Variants in NOTCH3 observed in about 807,000 individuals in gnomAD.
NOTCH3 encodes neurogenic locus notch homolog protein 3.
In NOTCH3, 86 loss-of-function variants were observed where a neutral mutation model predicts 213.3. That is an observed-to-expected ratio of 0.40 (90% CI 0.34 to 0.48). NOTCH3 has a LOEUF of 0.48. Ranked by LOEUF, NOTCH3 falls within the 20% of genes least tolerant of loss-of-function variation. The probability of loss-of-function intolerance (pLI) is 0.57; values close to 1 mark genes in which losing one functional copy is unlikely to be tolerated. For missense variants in NOTCH3, 2,783 were observed against 3,272.6 expected (o/e 0.85, Z 3.65); for synonymous variants, 1,354 against 1,355.9 (o/e 1.00, Z 0.03).
Position 15,180,673 on chromosome 19 carries a change from C to T in NOTCH3, c.3142+8G>A, listed in dbSNP as rs2145421391. The T allele has an allele frequency of 6.5e-7, 1 of 1,549,858 alleles. No homozygotes were observed. The highest frequency in any genetic ancestry group is 2.4e-5 in the East Asian group (1 of 41,262). ...GCCCCACACGCCCGCCCACATGCTC[C>T]CACTCACCGATCTGGGCTGCGGCCT... On this transcript the variant is annotated splice_region_variant and intron_variant, in intron 19 of 32. Transcript: ENST00000263388.
Position 15,181,798 on chromosome 19 carries a change from GGGTCTGCGGACAGGAGGAAGGC to G in NOTCH3, c.2567-19_2569del, listed in dbSNP as rs1195657362. The G allele has an allele frequency of 6.4e-7, 1 of 1,555,206 alleles. No homozygotes were observed. The highest frequency in any genetic ancestry group is 1.2e-5 in the South Asian group (1 of 84,374). On this transcript the variant is annotated splice_acceptor_variant and splice_polypyrimidine_tract_variant and coding_sequence_variant and intron_variant, in exon 17 of 33. Transcript: ENST00000263388. LOFTEE classifies it high-confidence loss of function. ...TTGGCACGAGCCACCGTTCAGGCAT[GGGTCTGCGGACAGGAGGAAGGC>G]GGTCTGGTCACCTACCTTGCCCCCA...
chr19:15,175,260 C>T lies in NOTCH3; in HGVS notation c.4404-860G>A, dbSNP rs1033412040. 5.3e-5 allele frequency among the ~76,000 whole-genome samples: 8 copies of T among 151,162 alleles called. No homozygotes were observed. The East Asian group carries it at 5.8e-4, about 11-fold the overall frequency. The stretch of plus-strand genomic sequence containing the variant: ...ATAAAATAAAAATACAGGCTGGGTG[C>T]GGTGGCTCATGCCTCTAATTCCAGC... On this transcript the variant is annotated intron_variant, in intron 24 of 32. Coordinates refer to ENST00000263388, the MANE Select transcript of NOTCH3 (RefSeq NM_000435.3).
rs577303432 is a variant in NOTCH3 at position 15,161,361 on chromosome 19, C to G, written c.6267G>C (p.Pro2089=). The G allele has an allele frequency of 6.6e-6, 10 of 1,525,436 alleles. No individual in the cohort carries two copies. Among genetic ancestry groups the G allele is most frequent in the East Asian group, 2.4e-5 (1 of 41,204 alleles). 94.5% of individuals were successfully genotyped at this position (1,525,436 alleles called of 1,614,324 possible). Residue 2089 remains proline (P), a synonymous_variant, in exon 33 of 33, where the codon CCG becomes CCC. Coordinates refer to ENST00000263388, the MANE Select transcript of NOTCH3 (RefSeq NM_000435.3). ...TGACCGAGCTGTCAGCCAGGGGGCCCGGGCAGGCCAGCGTCAGCTTCTTGC... is the reference window on the plus strand; with the variant it reads ...TGACCGAGCTGTCAGCCAGGGGGCCGGGGCAGGCCAGCGTCAGCTTCTTGC... ...GRGKKLTLAC[P]GPLADSSVTL... is the part of the protein sequence containing the mutation.
chr19:15,176,702 GC>G (rs1375880213), intron 24 of NOTCH3, among the ~76,000 whole-genome samples: 5 of 142,872 alleles, frequency 3.5e-5, no homozygotes, highest in Non-Finnish European at 7.5e-5. Flanking sequence ...GGTAGAGATT[GC>G]ACTGAGCCAA....
chr19:15,190,524 TC>T (rs1037955695), intron 6 of NOTCH3, among the ~76,000 whole-genome samples: 15 of 152,220 alleles, frequency 9.9e-5, no homozygotes, highest in African/African-American at 3.6e-4. Flanking sequence ...AATGTCAGCC[TC>T]CTCCCAAGCC....
chr19:15,188,292 C>A lies in NOTCH3; in HGVS notation c.1435G>T (p.Val479Phe). Residue 479 changes from valine (V) to phenylalanine (F), a missense_variant, in exon 9 of 33, where the codon GTC (valine) becomes TTC (phenylalanine). Coordinates refer to ENST00000263388, the MANE Select transcript of NOTCH3 (RefSeq NM_000435.3). The part of the protein sequence containing the change: ...DIDECQSSPC[V>F]NGGVCKDRVN... ...CGGTCCTTGCAGACCCCACCGTTGACACAGGGGCTACTCTGACACTCGTCA... is the reference window on the plus strand; with the variant it reads ...CGGTCCTTGCAGACCCCACCGTTGAAACAGGGGCTACTCTGACACTCGTCA... The A allele has an allele frequency of 6.2e-7, 1 of 1,608,104 alleles. No homozygotes were observed. The highest frequency in any genetic ancestry group is 1.1e-5 in the South Asian group (1 of 89,676).
At position 15,184,993 on chromosome 19, in the gene NOTCH3, AG is replaced by A; in HGVS notation, c.2322del (p.Cys775AlafsTer85). 2 of 1,531,416 alleles carry A rather than the reference AG, an allele frequency of 1.3e-6. No individual in the cohort carries two copies. Among genetic ancestry groups the A allele is most frequent in the Non-Finnish European group, 1.8e-6 (2 of 1,133,734 alleles). The allele number at this position is 1,531,416 out of a possible 1,614,324, so 94.9% of individuals were successfully genotyped here. ...CCATGCTCACAGGGGTTCGGGGTGC[AG>A]GGGGAGAGGAGTTCACACTGACGTC... ...VQGRQCELLSPCTPNPCEHGG... is the reference protein window; with the variant it reads ...VQGRQCELLSXCTPNPCEHGG... On this transcript the variant is annotated frameshift_variant, in exon 15 of 33. Coordinates refer to ENST00000263388, the MANE Select transcript of NOTCH3 (RefSeq NM_000435.3). LOFTEE classifies it high-confidence loss of function.
At chr19:15,167,499 G>T in intron 28 of NOTCH3, 88 bp from the exon 29 acceptor site, 2 of 1,276,070 alleles carry the variant, frequency 1.6e-6, no homozygotes, top group East Asian at 2.4e-5. Flanking sequence ...CATTCCTACA[G>T]GTTTCTCTTT....
chr19:15,161,310 G>A lies in NOTCH3; in HGVS notation c.6318C>T (p.Asp2106=). The A allele has an allele frequency of 1.3e-6, 2 of 1,526,400 alleles. No individual in the cohort carries two copies. Among genetic ancestry groups the A allele is most frequent in the Non-Finnish European group, 1.8e-6 (2 of 1,139,250 alleles). 94.6% of individuals were successfully genotyped at this position (1,526,400 alleles called of 1,614,324 possible). Residue 2106 remains aspartate (D), a synonymous_variant, in exon 33 of 33, where the codon GAC becomes GAT. Coordinates refer to ENST00000263388, the MANE Select transcript of NOTCH3 (RefSeq NM_000435.3). ...SVTLSPVDSL[D]SPRPFGGPPA... The stretch of plus-strand genomic sequence containing the variant: ...GGGGCCCACCGAAAGGCCGCGGGGA[G>A]TCCAGCGAGTCCACGGGCGACAGCG...
At chr19:15,170,644 C>T (rs1599369892) in intron 26 of NOTCH3, 27 bp downstream of exon 26, 1 of 1,547,900 alleles carries the variant, frequency 6.5e-7, no homozygotes, top group Non-Finnish European at 8.7e-7. Flanking sequence ...CCGCCCCCGC[C>T]ACCCCCTCCC....
In NOTCH3 at chr19:15,174,745, T is replaced by G. The variant is rs1050225938; in HGVS notation, c.4404-345A>C. 5.9e-5 allele frequency among the ~76,000 whole-genome samples: 9 copies of G among 151,896 alleles called. No individual in the cohort carries two copies. In the South Asian group the frequency reaches 6.3e-4, roughly 11 times the overall value. ...TGCACCACCACGCCCGTCTAATTTT[T>G]GTATTTTTAGCAGAGACGGGGTTTT... On this transcript the variant is annotated intron_variant, in intron 24 of 32. Transcript: ENST00000263388.
rs745954320 is a variant in NOTCH3 at position 15,185,552 on chromosome 19, G to A, written c.2079C>T (p.Leu693=). The A allele has an allele frequency of 3.1e-6, 5 of 1,613,586 alleles. No homozygotes were observed. The highest frequency in any genetic ancestry group is 2.7e-5 in the African/African-American group (2 of 74,878). The change falls in exon 13 of 33, where the codon CTC becomes CTT. Residue 693 remains leucine (L), a synonymous_variant. Coordinates refer to ENST00000263388, the MANE Select transcript of NOTCH3 (RefSeq NM_000435.3). This position sits in a 1 kb window ranked among gnomAD's most constrained non-coding sequence, Gnocchi z 4.2. ...CPPGSLPPLC[L]PPSHPCAHEP... ...CATGGGCACAGGGATGGCTCGGGGG[G>A]AGGCAGAGTGGGGGCAAGGAGCCAG...
chr19:15,194,670 C>A (rs1042765838), intron 2 of NOTCH3, among the ~76,000 whole-genome samples: 6 of 151,878 alleles, frequency 4.0e-5, no homozygotes, highest in Non-Finnish European at 8.8e-5. Flanking sequence ...AGTCTCAGAC[C>A]CATGTCCAAG....
intron 1 of NOTCH3, among the ~76,000 whole-genome samples, chr19:15,200,496 A>AC (rs1377666501): frequency 2.0e-5 from 3 of 149,706 alleles, no homozygotes; most frequent in Admixed American, 6.6e-5. Context: ...CTCTGTACGC[A>AC]CCCCCCCACC....
chr19:15,184,687 G>A (rs368396062), intron 15 of NOTCH3, among the ~76,000 whole-genome samples: 42 of 152,268 alleles, frequency 2.8e-4, no homozygotes, highest in African/African-American at 1.0e-3. Context: ...CCTAAACCCC[G>A]CCCTAAGTCC....
At chr19:15,198,072 A>C (rs1040502514) in intron 1 of NOTCH3, among the ~76,000 whole-genome samples, 2 of 152,140 alleles carry the variant, frequency 1.3e-5, no homozygotes, top group Non-Finnish European at 2.9e-5. Context: ...TGGGAGAGGG[A>C]CCAAGGCATG....
At chr19:15,193,120 G>A (rs543982203) in intron 2 of NOTCH3, among the ~76,000 whole-genome samples, 1 of 152,126 alleles carries the variant, frequency 6.6e-6, no homozygotes, top group African/African-American at 2.4e-5. Flanking sequence ...GGCGGTGAAA[G>A]CCATCAGAAC....
Position 15,161,464 on chromosome 19 carries a change from G to T in NOTCH3, c.6164C>A (p.Ala2055Glu), listed in dbSNP as rs769066713. Residue 2055 changes from alanine (A) to glutamate (E), a missense_variant, in exon 33 of 33, where the codon GCG (alanine) becomes GAG (glutamate). Around this residue, in one of 6 missense-constraint regions of NOTCH3, gnomAD observed 441 missense variants for 432.1 expected, o/e 1.02. Transcript: ENST00000263388. ...PPGAFLPGLK[A>E]AQSGSKKSRR... is the part of the protein sequence containing the mutation. ...GCTCTTCTTGGACCCCGACTGTGCCGCTTTGAGGCCAGGGAGGAAGGCCCC... is the reference window on the plus strand; with the variant it reads ...GCTCTTCTTGGACCCCGACTGTGCCTCTTTGAGGCCAGGGAGGAAGGCCCC... 1 of 1,570,530 alleles carries T rather than the reference G, an allele frequency of 6.4e-7. No individual in the cohort carries two copies. Among genetic ancestry groups the T allele is most frequent in the Non-Finnish European group, 8.6e-7 (1 of 1,157,334 alleles).
intron 25 of NOTCH3, 39 bp from the exon 26 acceptor site, chr19:15,170,864 T>A (rs757631361): frequency 6.2e-7 from 1 of 1,607,456 alleles, no homozygotes; most frequent in African/African-American, 1.3e-5. Context: ...GGCTCAAAAA[T>A]TGCCCGATGC....
Sources: allele counts gnomAD v4.1 joint callset (sites outside exome capture counted in the v4.1 genomes callset), GRCh38; gene constraint gnomAD v4.1.1; regional missense constraint gnomAD v4.1.1; non-coding constraint Gnocchi (gnomAD v3.1); transcripts MANE v1.5; gene names NCBI Gene and HGNC (gene_info 2026-07-23, HGNC 2026-07-21).